Variants in VWA8 observed in about 807,000 individuals in gnomAD.
VWA8 encodes the protein von Willebrand factor A domain containing 8.
In VWA8, 221 loss-of-function variants were observed where a neutral mutation model predicts 241.5. The ratio of observed to expected loss-of-function variants is 0.91; its 90% CI spans 0.82 to 1.02. The LOEUF (loss-of-function observed/expected upper bound fraction) is 1.02, where lower values mean the gene tolerates loss of function less well. Among genes scored for constraint, VWA8 ranks in the 50% least tolerant of loss-of-function variants. The pLI, the probability that VWA8 is intolerant of heterozygous loss-of-function variation, is 0.00. For missense variants in VWA8, 2,322 were observed against 2,328.7 expected (o/e 1.00, Z 0.06); for synonymous variants, 852 against 827.1 (o/e 1.03, Z -0.52).
At chr13:41,841,603 G>A (rs1245354593) in intron 12 of VWA8, among the ~76,000 whole-genome samples, 5 of 149,612 alleles carry the variant, frequency 3.3e-5, no homozygotes, top group South Asian at 2.1e-4. Context: ...TGGCTAACAC[G>A]GTGAAACCCC....
rs562423673 is a variant in VWA8 at position 41,867,064 on chromosome 13, T to C, written c.1213-1028A>G. On this transcript the variant is annotated intron_variant, in intron 10 of 44. Coordinates refer to ENST00000379310, the MANE Select transcript of VWA8 (RefSeq NM_015058.2). ...CAGATTTGCATTTAAGAATTTAACC[T>C]GGTATCAACATGGAAAGCTAACTGG... Among the ~76,000 whole-genome samples the C allele has an allele frequency of 2.6e-5, 4 of 152,328 alleles. No individual in the cohort carries two copies. In the South Asian group the frequency reaches 8.3e-4, roughly 32 times the overall value.
At chr13:41,570,339 T>C (rs2139629480) in intron 44 of VWA8, 129 bp downstream of exon 44, 1 of 761,184 alleles carries the variant, frequency 1.3e-6, no homozygotes, top group South Asian at 2.1e-5. Context: ...TTGAGGCTAG[T>C]AACTTTAGTT....
intron 19 of VWA8, among the ~76,000 whole-genome samples, chr13:41,780,888 C>G (rs909840848): frequency 3.9e-5 from 6 of 152,238 alleles, no homozygotes; most frequent in Non-Finnish European, 7.4e-5. Context: ...TACTTTTTCA[C>G]CAGACATTGT....
At chr13:41,835,448 T>C (rs1010934169) in intron 12 of VWA8, among the ~76,000 whole-genome samples, 9 of 152,188 alleles carry the variant, frequency 5.9e-5, no homozygotes, top group Admixed American at 5.9e-4. Flanking sequence ...CTAAATTATA[T>C]GCAAATTATA....
chr13:41,878,566 G>A (rs118019176), intron 9 of VWA8, among the ~76,000 whole-genome samples: 3,408 of 152,140 alleles, frequency 0.022, 108 homozygotes, highest in Admixed American at 0.098. Flanking sequence ...CCACTTGACA[G>A]TTTACTGAGT....
At chr13:41,658,333 A>G (rs1468798496) in intron 37 of VWA8, among the ~76,000 whole-genome samples, 3 of 151,634 alleles carry the variant, frequency 2.0e-5, no homozygotes, top group African/African-American at 7.3e-5. Flanking sequence ...TTCTAAAAAC[A>G]TAGTTTATTT....
At chr13:41,705,484 A>C (rs1056211127) in intron 26 of VWA8, among the ~76,000 whole-genome samples, 1 of 152,236 alleles carries the variant, frequency 6.6e-6, no homozygotes, top group Non-Finnish European at 1.5e-5. Flanking sequence ...CCAAAGGAGA[A>C]TTGGGGCTCC....
intron 37 of VWA8, among the ~76,000 whole-genome samples, chr13:41,636,685 T>C (rs1205532504): frequency 6.6e-6 from 1 of 152,080 alleles, no homozygotes; most frequent in Non-Finnish European, 1.5e-5. Flanking sequence ...AAAGGGCTAA[T>C]ATCCAGAATC....
At chr13:41,928,151 A>C (rs1337802744) in intron 2 of VWA8, among the ~76,000 whole-genome samples, 1 of 152,222 alleles carries the variant, frequency 6.6e-6, no homozygotes, top group Non-Finnish European at 1.5e-5. Flanking sequence ...TACAATAATC[A>C]TAGAGGACTT....
At chr13:41,793,918 G>T (rs187105611) in intron 17 of VWA8, among the ~76,000 whole-genome samples, 1 of 152,154 alleles carries the variant, frequency 6.6e-6, no homozygotes, top group South Asian at 2.1e-4. Flanking sequence ...CATTGTTTTC[G>T]TCAGGTTTGT....
At chr13:41,855,342 A>G (rs1444657961) in intron 12 of VWA8, among the ~76,000 whole-genome samples, 1 of 145,710 alleles carries the variant, frequency 6.9e-6, no homozygotes, top group Non-Finnish European at 1.5e-5. Flanking sequence ...AATATATAAT[A>G]TATAAATATA....
At position 41,699,245 on chromosome 13, in the gene VWA8, T is replaced by C. The variant is rs754047726; in HGVS notation, c.3390A>G (p.Val1130=). The part of the protein sequence containing the change: ...SHENEQNTLY[V]VTCNPASLYF... ...ACAGGGAAGCGGGATTGCATGTAAC[T>C]ACATAGAGAGTATTTTGCTCATTTT... is the stretch of plus-strand genomic sequence containing the variant. Residue 1130 remains valine, a synonymous_variant, in exon 29 of 45, where the codon GTA becomes GTG. Transcript: ENST00000379310. The C allele has an allele frequency of 1.2e-6, 2 of 1,614,168 alleles. No homozygotes were observed. Among genetic ancestry groups the C allele is most frequent in the Admixed American group, 3.3e-5 (2 of 60,014 alleles).
chr13:41,886,042 G>C lies in VWA8; in HGVS notation c.867-14C>G. The C allele has an allele frequency of 6.6e-7, 1 of 1,512,030 alleles. No homozygotes were observed. Among genetic ancestry groups the C allele is most frequent in the Non-Finnish European group, 8.9e-7 (1 of 1,118,752 alleles). The allele number at this position is 1,512,030 out of a possible 1,614,324, so 93.7% of individuals were successfully genotyped here. A position where few individuals can be genotyped will look rare whatever the true frequency, so the allele number is the denominator to read the frequency against. On this transcript the variant is annotated splice_polypyrimidine_tract_variant and intron_variant, in intron 7 of 44. Transcript: ENST00000379310. ...AGCTGAGAAACTCTAAGGGAAAAAT[G>C]ATATTAAATTTTAATAGTTTTAAAA...
At chr13:41,672,319 A>T (rs551160326) in intron 36 of VWA8, among the ~76,000 whole-genome samples, 1 of 152,310 alleles carries the variant, frequency 6.6e-6, no homozygotes, top group Middle Eastern at 3.4e-3. Context: ...ATATGTATGT[A>T]TAGTAATTTC....
intron 30 of VWA8, among the ~76,000 whole-genome samples, chr13:41,692,477 G>T (rs2045184799): frequency 6.6e-6 from 1 of 151,902 alleles, no homozygotes; most frequent in South Asian, 2.1e-4. Context: ...TTGTCTAATG[G>T]AGGAAATTAG....
intron 4 of VWA8, among the ~76,000 whole-genome samples, chr13:41,897,931 G>T (rs1233287871): frequency 6.6e-6 from 1 of 152,176 alleles, no homozygotes; most frequent in Admixed American, 6.5e-5. Context: ...GAGCCGAGTG[G>T]TCTGTTTTGA....
rs189739312 is a variant in VWA8, at chr13:41,663,483, C to G, written c.4611+7463G>C. On this transcript the variant is annotated intron_variant, in intron 37 of 44. Coordinates refer to ENST00000379310, the MANE Select transcript of VWA8 (RefSeq NM_015058.2). ...ATAGCACCCTTGTGACACAGTCTCCCCCTCAAGCAATTAAGAGGTTAAAGG... is the reference window on the plus strand; with the variant it reads ...ATAGCACCCTTGTGACACAGTCTCCGCCTCAAGCAATTAAGAGGTTAAAGG... 3.0e-3 allele frequency among the ~76,000 whole-genome samples: 451 copies of G among 152,142 alleles called. 2 individuals carry two copies. The highest frequency in any genetic ancestry group is 0.01 in the African/African-American group (422 of 41,534).
intron 24 of VWA8, among the ~76,000 whole-genome samples, chr13:41,723,098 T>C (rs902412985): frequency 4.6e-5 from 7 of 152,340 alleles, no homozygotes; most frequent in African/African-American, 1.7e-4. Flanking sequence ...CCACATTGAC[T>C]GTATTTCCAA....
Position 41,783,416 on chromosome 13 carries a change from G to A in VWA8, c.2277+379C>T, listed in dbSNP as rs556180306. Among the ~76,000 whole-genome samples the A allele has an allele frequency of 3.7e-4, 56 of 151,948 alleles. 1 individual carries two copies. The South Asian group carries it at 0.012, about 32-fold the overall frequency. The stretch of plus-strand genomic sequence containing the variant: ...GCACTTTGGGAGGCTGAAGCAGGTG[G>A]ATCACGAGGTCAGGAGTTTGAGGCC... On this transcript the variant is annotated intron_variant, in intron 19 of 44. Coordinates refer to ENST00000379310, the MANE Select transcript of VWA8 (RefSeq NM_015058.2).
Sources: allele counts gnomAD v4.1 joint callset (sites outside exome capture counted in the v4.1 genomes callset), GRCh38; gene constraint gnomAD v4.1.1; transcripts MANE v1.5; gene names NCBI Gene and HGNC (gene_info 2026-07-23, HGNC 2026-07-21).